DAB1: variants seen among roughly 807,000 people sequenced by gnomAD.
The protein encoded by DAB1 is disabled homolog 1.
Under a neutral mutation model 64.6 loss-of-function variants are expected in DAB1, and 15 were observed. The ratio of observed to expected loss-of-function variants is 0.23; its 90% CI spans 0.16 to 0.36. The LOEUF is 0.36. Among genes scored for constraint, DAB1 ranks in the 10% least tolerant of loss-of-function variants. The probability of loss-of-function intolerance (pLI) is 1.00; values close to 1 mark genes in which losing one functional copy is unlikely to be tolerated. For missense variants in DAB1, 596 were observed against 706.7 expected, an observed-to-expected ratio of 0.84 and a Z score of 1.78; for synonymous variants, 235 against 251.9, an observed-to-expected ratio of 0.93 and a Z score of 0.64.
At chr1:58,449,452 A>G (rs1162742570) in intron 3 of DAB1, among the ~76,000 whole-genome samples, 2 of 152,340 alleles carry the variant, frequency 1.3e-5, no homozygotes, top group Non-Finnish European at 2.9e-5. Flanking sequence ...AACCAAGCAG[A>G]TGGAACTTCC....
intron 1 of DAB1, among the ~76,000 whole-genome samples, chr1:57,839,084 T>G (rs1430883383): frequency 6.6e-6 from 1 of 152,166 alleles, no homozygotes; most frequent in Non-Finnish European, 1.5e-5. Context: ...CCCAGCCAAA[T>G]TCTTTCTCTT....
intron 7 of DAB1, among the ~76,000 whole-genome samples, chr1:57,463,285 G>A (rs1283286814): frequency 6.6e-6 from 1 of 152,082 alleles, no homozygotes; most frequent in Admixed American, 6.5e-5. Flanking sequence ...AGAGCGAAGT[G>A]CAAAGCCACC....
chr1:58,383,553 C>T (rs12087812), intron 3 of DAB1, among the ~76,000 whole-genome samples: 5,476 of 152,238 alleles, frequency 0.036, 334 homozygotes, highest in African/African-American at 0.13. Flanking sequence ...CTACCACATA[C>T]GGTTGCCATA....
chr1:57,217,724 T>A (rs1666532974), intron 2 of DAB1, among the ~76,000 whole-genome samples: 1 of 152,150 alleles, frequency 6.6e-6, no homozygotes, highest in South Asian at 2.1e-4. Flanking sequence ...TAATTCATAG[T>A]TCTGATGGTG....
chr1:57,812,348 A>G (rs1442696144), intron 6 of DAB1, among the ~76,000 whole-genome samples: 1 of 151,090 alleles, frequency 6.6e-6, no homozygotes, highest in East Asian at 1.9e-4. Flanking sequence ...AGAAAGAAAG[A>G]AAGAAAAGAA....
At chr1:57,574,533 G>T (rs1645228229) in intron 7 of DAB1, among the ~76,000 whole-genome samples, 1 of 152,092 alleles carries the variant, frequency 6.6e-6, no homozygotes, top group Non-Finnish European at 1.5e-5. Context: ...GATCACACAG[G>T]TTCAAACTGA....
intron 4 of DAB1, among the ~76,000 whole-genome samples, chr1:57,078,185 T>C (rs1297060077): frequency 6.6e-6 from 1 of 152,178 alleles, no homozygotes; most frequent in Non-Finnish European, 1.5e-5. Flanking sequence ...AGTGAAGTGC[T>C]CCCTGGGTTG....
At chr1:57,269,370 CAGA>C (rs771097860) in intron 2 of DAB1, among the ~76,000 whole-genome samples, 33 of 152,244 alleles carry the variant, frequency 2.2e-4, no homozygotes, top group Non-Finnish European at 4.4e-4. Flanking sequence ...TCACCCCAAT[CAGA>C]AGAAGCTGGG....
At chr1:58,466,995 G>A (rs1327095258) in intron 3 of DAB1, among the ~76,000 whole-genome samples, 2 of 152,148 alleles carry the variant, frequency 1.3e-5, no homozygotes, top group Non-Finnish European at 2.9e-5. Context: ...GCAGATCTGC[G>A]GCTTGCCTTG....
At chr1:58,063,683 A>T (rs1383322576) in intron 5 of DAB1, among the ~76,000 whole-genome samples, 3 of 152,220 alleles carry the variant, frequency 2.0e-5, no homozygotes, top group Non-Finnish European at 4.4e-5. Context: ...CTGACAGCCC[A>T]CTATGTGGTC....
chr1:57,094,108 C>CAAAA lies in DAB1; in HGVS notation c.307-21698_307-21695dup, dbSNP rs59491159. On this transcript the variant is annotated intron_variant, in intron 4 of 14. Transcript: ENST00000371236. ...TGGGTGCCAGAGTGAGACTCTGCCT[C>CAAAA]AAAAAAAAAAAAAAAAAGGAATCTT... Among the ~76,000 whole-genome samples the CAAAA allele has an allele frequency of 1.4e-3, 155 of 112,634 alleles. 5 individuals are homozygous for CAAAA. Among genetic ancestry groups the CAAAA allele is most frequent in the East Asian group, 8.6e-3 (32 of 3,708 alleles). 73.9% of individuals were successfully genotyped at this position (112,634 alleles called of 152,430 possible).
intron 7 of DAB1, among the ~76,000 whole-genome samples, chr1:57,480,389 C>T (rs1218489330): frequency 6.6e-6 from 1 of 152,160 alleles, no homozygotes; most frequent in Non-Finnish European, 1.5e-5. Context: ...CTATCTGCTA[C>T]ACCTGCTTGG....
intron 3 of DAB1, among the ~76,000 whole-genome samples, chr1:58,477,059 A>G (rs1645425904): frequency 6.6e-6 from 1 of 152,218 alleles, no homozygotes; most frequent in Non-Finnish European, 1.5e-5. Context: ...CTGGATTACA[A>G]ATCAGTGAAT....
At chr1:57,002,605 A>C (rs1645910732) in intron 14 of DAB1, among the ~76,000 whole-genome samples, 1 of 152,198 alleles carries the variant, frequency 6.6e-6, no homozygotes, top group Non-Finnish European at 1.5e-5. Flanking sequence ...GACAATGTTC[A>C]TGTTTTGCCT....
chr1:57,262,709 A>G (rs143163831), intron 2 of DAB1, among the ~76,000 whole-genome samples: 10 of 152,352 alleles, frequency 6.6e-5, no homozygotes, highest in African/African-American at 1.2e-4. Context: ...TATGGAACCC[A>G]TAAAGTGAAA....
intron 4 of DAB1, among the ~76,000 whole-genome samples, chr1:58,247,724 G>A (rs2100395634): frequency 6.6e-6 from 1 of 152,074 alleles, no homozygotes; most frequent in Non-Finnish European, 1.5e-5. Flanking sequence ...CTTAGGGCTA[G>A]TATTTCCCTC....
At chr1:58,314,085 T>A (rs1297047802) in intron 4 of DAB1, among the ~76,000 whole-genome samples, 1 of 152,134 alleles carries the variant, frequency 6.6e-6, no homozygotes, top group Non-Finnish European at 1.5e-5. Context: ...GATTATCTGG[T>A]TATTGCTCAG....
At chr1:58,047,904 G>C (rs1442747949) in intron 5 of DAB1, 1 of 367,816 alleles carries the variant, frequency 2.7e-6, no homozygotes, top group African/African-American at 2.1e-5. Flanking sequence ...CAACAGCATG[G>C]GTGCAAAAAA....
At chr1:57,386,364 G>T (rs1330292261) in intron 1 of DAB1, among the ~76,000 whole-genome samples, 1 of 71,700 alleles carries the variant, frequency 1.4e-5, no homozygotes, top group African/African-American at 7.5e-5. Flanking sequence ...TAGGCCCCTT[G>T]GGAAAAAAAA....
Sources: gnomAD v4.1 joint callset for allele counts (sites outside exome capture counted in the v4.1 genomes callset) on GRCh38, gnomAD v4.1.1 for gene constraint, MANE v1.5 for transcripts, NCBI Gene and HGNC (gene_info 2026-07-23, HGNC 2026-07-21) for gene names.